The following HERC2 variants were observed in gnomAD, a reference collection of about 807,000 sequenced individuals.
The protein encoded by HERC2 is E3 ubiquitin-protein ligase HERC2.
Under a neutral mutation model 537.7 loss-of-function variants are expected in HERC2, and 102 were observed. That is an observed-to-expected ratio of 0.19 (90% CI 0.16 to 0.22). The LOEUF is 0.22. Ranked by LOEUF, HERC2 falls within the 10% of genes least tolerant of loss-of-function variation. The pLI, the probability that HERC2 is intolerant of heterozygous loss-of-function variation, is 1.00. For synonymous variants in HERC2, 2,224 were observed against 2,466.2 expected, an observed-to-expected ratio of 0.90 and a Z score of 2.91; for missense variants, 4,236 against 6,198.2, an observed-to-expected ratio of 0.68 and a Z score of 10.63.
intron 3 of HERC2, among the ~76,000 whole-genome samples, chr15:28,299,147 G>T (rs1667399): frequency 1 from 152,070 of 152,076 alleles, 76,032 homozygotes; most frequent in Non-Finnish European, 1. Context: ...CAATAAGTGT[G>T]TAATACACCC....
chr15:28,125,259 T>C (rs1315724333), intron 83 of HERC2, 66 bp from the exon 84 acceptor site: 3 of 1,327,860 alleles, frequency 2.3e-6, no homozygotes, highest in African/African-American at 1.4e-5. Context: ...GCTGCCAGTG[T>C]CTTCCCACCA....
In HERC2 at chr15:28,130,239, C is replaced by T; in HGVS notation, c.12726G>A (p.Gln4242=). 6.2e-7 allele frequency: 1 copy of T among 1,614,210 alleles called. No individual in the cohort carries two copies. The highest frequency in any genetic ancestry group is 8.5e-7 in the Non-Finnish European group (1 of 1,180,034). The part of the protein sequence containing the change: ...GSDDHVRRPR[Q]VQGLQGKKVI... ...CTTTCTTCCCCTGCAACCCTTGGAC[C>T]TGCCGAGGCCTTCGAACATGGTCAT... The change falls in exon 83 of 93, where the codon CAG becomes CAA. Residue 4242 remains glutamine (Q), a synonymous_variant. Coordinates refer to ENST00000261609, the MANE Select transcript of HERC2 (RefSeq NM_004667.6).
intron 78 of HERC2, among the ~76,000 whole-genome samples, chr15:28,137,027 A>G (rs1890716306): frequency 6.6e-6 from 1 of 152,160 alleles, no homozygotes; most frequent in Non-Finnish European, 1.5e-5. Flanking sequence ...CAGTCCATAT[A>G]AAACAACCAA....
rs1383706550 is a variant in HERC2 at position 28,132,731 on chromosome 15, C to T, written c.12330G>A (p.Gly4110=). Reference sequence around the variant, plus strand: ...GGCCTTTGCCCCATGTGTAGAGGTCCCCGGCTGCTGTGACACAGGCGCTGT... The same window carrying T: ...GGCCTTTGCCCCATGTGTAGAGGTCTCCGGCTGCTGTGACACAGGCGCTGT... The part of the protein sequence containing the change: ...GAHSACVTAA[G]DLYTWGKGRY... The change falls in exon 80 of 93, where the codon GGG becomes GGA. Residue 4110 remains glycine, a synonymous_variant. Transcript: ENST00000261609. 10 of 1,608,418 alleles carry T rather than the reference C, an allele frequency of 6.2e-6. No individual in the cohort carries two copies. Among genetic ancestry groups the T allele is most frequent in the Non-Finnish European group, 8.5e-6 (10 of 1,177,718 alleles).
intron 86 of HERC2, among the ~76,000 whole-genome samples, chr15:28,120,153 A>G (rs975629968): frequency 9.2e-5 from 14 of 152,224 alleles, no homozygotes; most frequent in Non-Finnish European, 2.9e-5. Context: ...TAGGGAAATA[A>G]AAGCTTTTTT....
chr15:28,279,023 C>G (rs755459449), intron 5 of HERC2, among the ~76,000 whole-genome samples: 2 of 152,180 alleles, frequency 1.3e-5, no homozygotes, highest in African/African-American at 2.4e-5. Context: ...CTTTTTGAGA[C>G]AGAATTTCAT....
rs1450854130 is a variant in HERC2, at chr15:28,224,164, C to G, written c.5465-1949G>C. ...ACACACACACCCACACACACACACA[C>G]ACAGAGAGAGAGAGAAACAGACAGA... On this transcript the variant is annotated intron_variant, in intron 35 of 92. Transcript: ENST00000261609. 4.5e-3 allele frequency among the ~76,000 whole-genome samples: 661 copies of G among 147,170 alleles called. 4 individuals carry two copies. The highest frequency in any genetic ancestry group is 0.017 in the African/African-American group (628 of 37,556).
Position 28,146,311 on chromosome 15 carries a change from T to G in HERC2, c.10934A>C (p.Gln3645Pro). 6.2e-7 allele frequency: 1 copy of G among 1,614,070 alleles called. No individual in the cohort carries two copies. Residue 3645 changes from glutamine to proline, a missense_variant, in exon 71 of 93, where the codon CAG becomes CCG. Physicochemically the swap from Gln to Pro is moderately conservative, Grantham distance 76 (BLOSUM62 -1). This residue lies in a region of HERC2 where 356 missense variants were observed against 450.9 expected (regional missense o/e 0.79). Transcript: ENST00000261609. The part of the protein sequence containing the change: ...AEGLRVEFDR[Q>P]CSTERRHDPL... ...GTCGTGGCGCCTCTCTGTGGAGCACTGCCGGTCAAATTCTACCCTGAGTCC... is the reference window on the plus strand; with the variant it reads ...GTCGTGGCGCCTCTCTGTGGAGCACGGCCGGTCAAATTCTACCCTGAGTCC...
intron 68 of HERC2, among the ~76,000 whole-genome samples, chr15:28,166,789 G>C (rs554474648): frequency 3.6e-4 from 55 of 152,224 alleles, no homozygotes; most frequent in African/African-American, 1.3e-3. Flanking sequence ...CAGTCCACGG[G>C]AGTCCCAGTG....
At chr15:28,272,431 C>A in intron 8 of HERC2, 45 bp from the exon 9 acceptor site, 2 of 1,522,444 alleles carry the variant, frequency 1.3e-6, no homozygotes, top group Non-Finnish European at 9.0e-7. Flanking sequence ...AGATTAACTT[C>A]TTTTCTTCAC....
chr15:28,269,768 A>G lies in HERC2; in HGVS notation c.1258-332T>C, dbSNP rs148652936. Among the ~76,000 whole-genome samples, 544 of 152,370 alleles carry G rather than the reference A, an allele frequency of 3.6e-3. 6 individuals carry two copies. Among genetic ancestry groups the G allele is most frequent in the African/African-American group, 0.012 (518 of 41,592 alleles). ...GTGCTTTAGCAGGCAAAATCCCAAA[A>G]GCCCACACACAAGGCTGGGAGACCA... On this transcript the variant is annotated intron_variant, in intron 10 of 92. Coordinates refer to ENST00000261609, the MANE Select transcript of HERC2 (RefSeq NM_004667.6).
At chr15:28,267,993 TAAC>T (rs989422577) in intron 12 of HERC2, among the ~76,000 whole-genome samples, 2 of 152,238 alleles carry the variant, frequency 1.3e-5, no homozygotes, top group Admixed American at 1.3e-4. Context: ...CTGGCATTTA[TAAC>T]AACTTTCTGT....
chr15:28,143,758 A>C, intron 74 of HERC2, 115 bp downstream of exon 74: 1 of 1,369,910 alleles, frequency 7.3e-7, no homozygotes, highest in Non-Finnish European at 1.0e-6. Context: ...AGGCCTCCTT[A>C]TTCTTATGTG....
rs145043009 is a variant in HERC2 at position 28,270,722 on chromosome 15, C to T, written c.1230G>A (p.Pro410=). 3 of 1,613,484 alleles carry T rather than the reference C, an allele frequency of 1.9e-6. No individual in the cohort carries two copies. The highest frequency in any genetic ancestry group is 1.1e-5 in the South Asian group (1 of 91,056). ...TATGAGATGTCGGAGAGCTACACAG[C>T]GGAGGCATACAGGGCGTAGCCAGAC... ...LDRLATPCMP[P]LCSSPTSHKG... Residue 410 remains proline, a synonymous_variant, in exon 10 of 93, where the codon CCG becomes CCA. Coordinates refer to ENST00000261609, the MANE Select transcript of HERC2 (RefSeq NM_004667.6).
chr15:28,198,323 C>G, intron 50 of HERC2, 55 bp downstream of exon 50: 1 of 1,565,832 alleles, frequency 6.4e-7, no homozygotes, highest in Non-Finnish European at 8.7e-7. Context: ...ATACTAAGTA[C>G]ACATGCGTTA....
At chr15:28,277,929 T>G (rs2075918872) in intron 5 of HERC2, among the ~76,000 whole-genome samples, 1 of 152,058 alleles carries the variant, frequency 6.6e-6, no homozygotes, top group Non-Finnish European at 1.5e-5. Flanking sequence ...GTGTAGTATT[T>G]GCATATAACC....
intron 70 of HERC2, among the ~76,000 whole-genome samples, chr15:28,151,320 T>C (rs1163088957): frequency 6.6e-6 from 1 of 152,076 alleles, no homozygotes; most frequent in Non-Finnish European, 1.5e-5. Context: ...AATCAGCATA[T>C]TAGCCAGGCA....
chr15:28,162,100 T>C (rs1334720637), intron 69 of HERC2, among the ~76,000 whole-genome samples: 1 of 151,734 alleles, frequency 6.6e-6, no homozygotes, highest in Admixed American at 6.6e-5. Flanking sequence ...GAGGCCAAGG[T>C]GGGTAGATCA....
intron 2 of HERC2, among the ~76,000 whole-genome samples, chr15:28,318,622 CAA>C (rs11324806): frequency 1.0e-3 from 147 of 147,372 alleles, no homozygotes; most frequent in African/African-American, 9.9e-4. Context: ...GACTCCATCT[CAA>C]AAAAAAAAAA....
Sources: allele counts gnomAD v4.1 joint callset (sites outside exome capture counted in the v4.1 genomes callset), GRCh38; gene constraint gnomAD v4.1.1; regional missense constraint gnomAD v4.1.1; transcripts MANE v1.5; gene names NCBI Gene and HGNC (gene_info 2026-07-23, HGNC 2026-07-21).